The following TRPC3 variants were observed in gnomAD, a reference collection of about 807,000 sequenced individuals.
The protein encoded by TRPC3 is transient receptor potential cation channel subfamily C member 3, also known as short transient receptor potential channel 3.
TRPC3 carries 54 observed loss-of-function variants against 90.9 expected under a neutral mutation model. That is an observed-to-expected ratio of 0.59 (90% CI 0.48 to 0.75). TRPC3 has a LOEUF of 0.75. Among genes scored for constraint, TRPC3 ranks in the 30% least tolerant of loss-of-function variants. The pLI is 0.00. For missense variants in TRPC3, 918 were observed against 1,194.5 expected, an observed-to-expected ratio of 0.77 and a Z score of 3.41; for synonymous variants, 424 against 450.9, an observed-to-expected ratio of 0.94 and a Z score of 0.75.
intron 10 of TRPC3, among the ~76,000 whole-genome samples, chr4:121,894,569 T>TG (rs1388326361): frequency 5.8e-5 from 8 of 138,168 alleles, no homozygotes; most frequent in African/African-American, 1.3e-4. Flanking sequence ...TTTTTTTTTT[T>TG]TTTTTTTTTT....
intron 3 of TRPC3, among the ~76,000 whole-genome samples, chr4:121,916,223 A>T (rs772141909): frequency 4.6e-5 from 7 of 152,148 alleles, no homozygotes; most frequent in South Asian, 4.1e-4. Context: ...ACTGGTGCAT[A>T]GTTTCCCATC....
intron 2 of TRPC3, among the ~76,000 whole-genome samples, chr4:121,929,509 G>A (rs576583649): frequency 2.2e-4 from 33 of 152,136 alleles, no homozygotes; most frequent in Non-Finnish European, 4.3e-4. Flanking sequence ...TGGAGGATTA[G>A]ACCAAGAGTC....
At chr4:121,948,292 T>G (rs111483266) in intron 1 of TRPC3, among the ~76,000 whole-genome samples, 1 of 152,032 alleles carries the variant, frequency 6.6e-6, no homozygotes, top group Non-Finnish European at 1.5e-5. Context: ...AATCACTAAA[T>G]TGTCTCTGAT....
Position 121,951,612 on chromosome 4 carries a change from T to TTCC in TRPC3, c.66_68dup (p.Glu23dup), listed in dbSNP as rs1238682991. 35 of 1,439,682 alleles carry TTCC rather than the reference T, an allele frequency of 2.4e-5. No individual in the cohort carries two copies. The highest frequency in any genetic ancestry group is 3.2e-5 in the Non-Finnish European group (35 of 1,089,064). The allele number at this position is 1,439,682 out of a possible 1,614,324, so 89.2% of individuals were successfully genotyped here. A position where few individuals can be genotyped will look rare whatever the true frequency, so the allele number is the denominator to read the frequency against. ...CCGCGCCCTCGTCCTCGCCCTCGTC[T>TTCC]TCCTCCTCCTCCGGCGCCGGGAAGG... On this transcript the variant is annotated inframe_insertion, in exon 1 of 12. Coordinates refer to ENST00000379645, the MANE Select transcript of TRPC3 (RefSeq NM_001130698.2). This position sits in a 1 kb window ranked among gnomAD's most constrained non-coding sequence, Gnocchi z 4.4.
chr4:121,942,566 C>T (rs1730356931), intron 1 of TRPC3, among the ~76,000 whole-genome samples: 1 of 152,126 alleles, frequency 6.6e-6, no homozygotes, highest in Admixed American at 6.5e-5. Context: ...GAGACCCTGT[C>T]TCAAAAAACA....
At chr4:121,918,559 C>G (rs746464321) in intron 3 of TRPC3, among the ~76,000 whole-genome samples, 1 of 152,302 alleles carries the variant, frequency 6.6e-6, no homozygotes, top group African/African-American at 2.4e-5. Flanking sequence ...CTTGATGTAA[C>G]CTGTACTACA....
intron 7 of TRPC3, among the ~76,000 whole-genome samples, chr4:121,906,431 C>T (rs572813578): frequency 2.0e-5 from 3 of 152,242 alleles, no homozygotes; most frequent in East Asian, 3.9e-4. Context: ...TGGGTTCAAA[C>T]AGGTTTTTTT....
chr4:121,926,411 CT>C (rs71599161), intron 2 of TRPC3, among the ~76,000 whole-genome samples: 85,002 of 144,534 alleles, frequency 0.59, 24,612 homozygotes, highest in East Asian at 0.79. Context: ...TTTTTGTTTT[CT>C]TTTTTTTTTT....
chr4:121,928,453 A>G (rs1402935091), intron 2 of TRPC3, among the ~76,000 whole-genome samples: 1 of 152,212 alleles, frequency 6.6e-6, no homozygotes, highest in African/African-American at 2.4e-5. Flanking sequence ...AGCTAAGAAC[A>G]GCCTCTCTTC....
At chr4:121,950,348 G>A (rs1730671901) in intron 1 of TRPC3, among the ~76,000 whole-genome samples, 1 of 152,148 alleles carries the variant, frequency 6.6e-6, no homozygotes, top group Admixed American at 6.5e-5. Flanking sequence ...GCCTCTCGCC[G>A]GCAGCAGGGG....
At chr4:121,894,642 C>T (rs1728456939) in intron 10 of TRPC3, among the ~76,000 whole-genome samples, 1 of 137,030 alleles carries the variant, frequency 7.3e-6, no homozygotes, top group Non-Finnish European at 1.5e-5. Flanking sequence ...TGGCTCACTG[C>T]AGTCTCAACT....
intron 10 of TRPC3, among the ~76,000 whole-genome samples, chr4:121,894,903 C>T (rs1728467361): frequency 6.6e-6 from 1 of 151,892 alleles, no homozygotes; most frequent in Non-Finnish European, 1.5e-5. Context: ...CTATGATTGA[C>T]CATATGTTAG....
chr4:121,897,833 C>A (rs1728571194), intron 10 of TRPC3, among the ~76,000 whole-genome samples: 1 of 152,128 alleles, frequency 6.6e-6, no homozygotes, highest in South Asian at 2.1e-4. Context: ...ATCATTATAT[C>A]AAAGAGACAA....
intron 10 of TRPC3, among the ~76,000 whole-genome samples, chr4:121,887,669 G>A (rs1728173351): frequency 6.6e-6 from 1 of 152,184 alleles, no homozygotes; most frequent in Non-Finnish European, 1.5e-5. Context: ...AGATCTGCCA[G>A]CAAGAGACAA....
rs1325457666 is a variant in TRPC3 at position 121,932,085 on chromosome 4, ACAG to A, written c.987+183_987+185del. On this transcript the variant is annotated intron_variant, in intron 2 of 11. Coordinates refer to ENST00000379645, the MANE Select transcript of TRPC3 (RefSeq NM_001130698.2). This position sits in a 1 kb window ranked among gnomAD's most constrained non-coding sequence, Gnocchi z 7.7. Reference sequence around the variant, plus strand: ...ACTGGATCCCCAAAGCGAATTTGTCACAGCACCATCATTGAGAGGGAGAAAGAA... The same window carrying A: ...ACTGGATCCCCAAAGCGAATTTGTCACACCATCATTGAGAGGGAGAAAGAA... 6.6e-6 allele frequency among the ~76,000 whole-genome samples: 1 copy of A among 152,218 alleles called. No homozygotes were observed. Among genetic ancestry groups the A allele is most frequent in the East Asian group, 1.9e-4 (1 of 5,196 alleles).
At position 121,932,499 on chromosome 4, in the gene TRPC3, C is replaced by G; in HGVS notation, c.759G>C (p.Leu253=). Residue 253 remains leucine (L), a synonymous_variant, in exon 2 of 12, where the codon CTG becomes CTC. Transcript: ENST00000379645. This position sits in a 1 kb window ranked among gnomAD's most constrained non-coding sequence, Gnocchi z 7.7. ...CQKYEVVHML[L]MKGARIERPH... ...GCCGCTCGATCCTGGCACCCTTCAT[C>G]AGCAGCATGTGCACCACTTCGTATT... 1 of 1,614,248 alleles carries G rather than the reference C, an allele frequency of 6.2e-7. No individual in the cohort carries two copies. The highest frequency in any genetic ancestry group is 8.5e-7 in the Non-Finnish European group (1 of 1,180,038).
At chr4:121,882,560 G>C (rs1241634761) in intron 10 of TRPC3, 131 bp from the exon 11 acceptor site, 1 of 621,552 alleles carries the variant, frequency 1.6e-6, no homozygotes, top group Non-Finnish European at 2.6e-6. Context: ...ACTATGTATA[G>C]AAAAATTACG....
intron 9 of TRPC3, among the ~76,000 whole-genome samples, 187 bp downstream of exon 9, chr4:121,902,665 C>T (rs113445876): frequency 6.6e-6 from 1 of 152,090 alleles, no homozygotes; most frequent in African/African-American, 2.4e-5. Flanking sequence ...AAAGCAGGGC[C>T]TCGACTCAGT....
chr4:121,921,453 C>A (rs1404447388), intron 3 of TRPC3, among the ~76,000 whole-genome samples: 1 of 130,620 alleles, frequency 7.7e-6, no homozygotes, highest in African/African-American at 2.9e-5. Context: ...ACCCGGGAGG[C>A]GGAGCTTGCA....
Sources: gnomAD v4.1 joint callset for allele counts (sites outside exome capture counted in the v4.1 genomes callset) on GRCh38, gnomAD v4.1.1 for gene constraint, Gnocchi (gnomAD v3.1) non-coding constraint, MANE v1.5 for transcripts, NCBI Gene and HGNC (gene_info 2026-07-23, HGNC 2026-07-21) for gene names.